The following TOP2B variants were observed in gnomAD, a reference collection of about 807,000 sequenced individuals.
The protein encoded by TOP2B is DNA topoisomerase II beta.
Under a neutral mutation model 193.5 loss-of-function variants are expected in TOP2B, and 51 were observed. The observed-to-expected ratio is 0.26, with a 90% confidence interval of 0.21 to 0.33. The LOEUF (loss-of-function observed/expected upper bound fraction) is 0.33, where lower values mean the gene tolerates loss of function less well. TOP2B is among the 10% of genes least tolerant of loss of function. The pLI, the probability that TOP2B is intolerant of heterozygous loss-of-function variation, is 1.00. For synonymous variants in TOP2B, 634 were observed against 635.7 expected (o/e 1.00, Z 0.04); for missense variants, 1,378 against 1,909.3 (o/e 0.72, Z 5.19).
intron 18 of TOP2B, among the ~76,000 whole-genome samples, chr3:25,626,058 T>C (rs1245786506): frequency 1.3e-5 from 2 of 151,332 alleles, no homozygotes; most frequent in Admixed American, 6.6e-5. Context: ...ATAAAGGTTA[T>C]GAGAAAAAAA....
rs1193824265 is a variant in TOP2B at position 25,655,468 on chromosome 3, T to C, written c.69+8761A>G. 2.6e-5 allele frequency among the ~76,000 whole-genome samples: 4 copies of C among 152,174 alleles called. No individual in the cohort carries two copies. The South Asian group carries it at 6.2e-4, about 24-fold the overall frequency. The stretch of plus-strand genomic sequence containing the variant: ...AATGCTACAGCCATTATGGAAATAG[T>C]GTGGAGGTTCCTCAAAAAATTAAAA... On this transcript the variant is annotated intron_variant, in intron 1 of 35. Transcript: ENST00000264331.
At chr3:25,612,820 T>G (rs1702410259) in intron 27 of TOP2B, 111 bp from the exon 28 acceptor site, 2 of 779,202 alleles carry the variant, frequency 2.6e-6, no homozygotes, top group Admixed American at 5.4e-5. Context: ...GAATAAAGCT[T>G]TCCTTTTAAC....
intron 10 of TOP2B, 93 bp from the exon 11 acceptor site, chr3:25,631,032 G>C (rs1702940159): frequency 8.8e-7 from 1 of 1,141,458 alleles, no homozygotes; most frequent in African/African-American, 1.6e-5. Context: ...TGGAATCTGT[G>C]CAATTTTAAG....
At chr3:25,622,639 A>ATTTT (rs576552400) in intron 21 of TOP2B, among the ~76,000 whole-genome samples, 1 of 133,776 alleles carries the variant, frequency 7.5e-6, no homozygotes, top group African/African-American at 2.7e-5. Flanking sequence ...AAAAATGGGG[A>ATTTT]TTTTTTTTTT....
At chr3:25,632,866 T>C in intron 8 of TOP2B, 72 bp from the exon 9 acceptor site, 2 of 1,234,518 alleles carry the variant, frequency 1.6e-6, no homozygotes, top group East Asian at 2.3e-5. Context: ...ATCTGTATTA[T>C]AAACCCTATT....
At chr3:25,663,063 T>C (rs757776043) in intron 1 of TOP2B, among the ~76,000 whole-genome samples, 8 of 152,194 alleles carry the variant, frequency 5.3e-5, no homozygotes, top group Non-Finnish European at 1.0e-4. Context: ...CGGAGTAATA[T>C]ACAACATTCA....
Position 25,627,201 on chromosome 3 carries a change from C to T in TOP2B, c.2002G>A (p.Ala668Thr). 6.3e-7 allele frequency: 1 copy of T among 1,599,568 alleles called. No individual in the cohort carries two copies. The highest frequency in any genetic ancestry group is 8.5e-7 in the Non-Finnish European group (1 of 1,175,044). The change falls in exon 16 of 36, where the codon GCT (alanine) becomes ACT (threonine). Residue 668 changes from alanine to threonine, a missense_variant. This residue lies in a region of TOP2B where 379 missense variants were observed against 615.1 expected (regional missense o/e 0.62). Transcript: ENST00000264331. ...AACTTAATTACCAAGGTAATGGCAG[C>T]ATCATCTTCAGGACCAGCATATCTA... ...LFRYAGPEDD[A>T]AITLAFSKKK...
At chr3:25,623,796 A>T in intron 20 of TOP2B, 50 bp from the exon 21 acceptor site, 1 of 1,223,042 alleles carries the variant, frequency 8.2e-7, no homozygotes, top group Non-Finnish European at 1.2e-6. Context: ...GCTTTGGGAA[A>T]GAAAACTTTA....
At chr3:25,646,708 A>G (rs1218076602) in intron 1 of TOP2B, among the ~76,000 whole-genome samples, 1 of 152,334 alleles carries the variant, frequency 6.6e-6, no homozygotes, top group African/African-American at 2.4e-5. Flanking sequence ...GATTTTGTGC[A>G]TTTAAACAAG....
At chr3:25,635,836 C>T in intron 7 of TOP2B, 100 bp downstream of exon 7, 1 of 900,686 alleles carries the variant, frequency 1.1e-6, no homozygotes, top group Non-Finnish European at 1.7e-6. Flanking sequence ...CTGAACACAC[C>T]AGTAAAAGAG....
chr3:25,632,490 T>C lies in TOP2B; in HGVS notation c.1222A>G (p.Ser408Gly). The change falls in exon 10 of 36, where the codon AGT becomes GGT. Residue 408 changes from serine to glycine, a missense_variant. Physicochemically the swap from Ser to Gly is moderately conservative, Grantham distance 56. Transcript: ENST00000264331. ...TKENMTLQPKSFGSKCQLSEK... is the reference protein window; with the variant it reads ...TKENMTLQPKGFGSKCQLSEK... ...GACAGCTGGCATTTAGACCCAAAACTTTTGGGCTGCAGAGTCATGTTTTCC... is the reference window on the plus strand; with the variant it reads ...GACAGCTGGCATTTAGACCCAAAACCTTTGGGCTGCAGAGTCATGTTTTCC... 1 of 1,583,358 alleles carries C rather than the reference T, an allele frequency of 6.3e-7. No homozygotes were observed. Among genetic ancestry groups the C allele is most frequent in the East Asian group, 2.3e-5 (1 of 44,304 alleles).
intron 1 of TOP2B, among the ~76,000 whole-genome samples, chr3:25,659,821 T>C (rs1295259109): frequency 6.6e-6 from 1 of 152,236 alleles, no homozygotes; most frequent in Admixed American, 6.5e-5. Context: ...TCTTTCAATG[T>C]TTTTAAAGTT....
intron 20 of TOP2B, 31 bp from the exon 21 acceptor site, chr3:25,623,777 A>T (rs1440917265): frequency 6.9e-7 from 1 of 1,451,778 alleles, no homozygotes; most frequent in African/African-American, 1.4e-5. Context: ...CAAATGAAAA[A>T]ATGTCATGGC....
chr3:25,608,549 G>A (rs567502307), intron 30 of TOP2B, among the ~76,000 whole-genome samples: 1 of 152,212 alleles, frequency 6.6e-6, no homozygotes, highest in South Asian at 2.1e-4. Context: ...GTACTTCCCA[G>A]AGGTAAACAC....
intron 31 of TOP2B, 40 bp downstream of exon 31, chr3:25,607,128 TACA>T (rs1702254266): frequency 6.3e-7 from 1 of 1,595,912 alleles, no homozygotes; most frequent in Non-Finnish European, 8.5e-7. Context: ...GGCAAATGTT[TACA>T]ACAATTAACT....
At chr3:25,620,348 C>A (rs1275723268) in intron 22 of TOP2B, among the ~76,000 whole-genome samples, 1 of 151,904 alleles carries the variant, frequency 6.6e-6, no homozygotes, top group Admixed American at 6.6e-5. Context: ...AGGTGACATG[C>A]ATACTTTTAG....
chr3:25,609,397 T>C, intron 29 of TOP2B, 53 bp from the exon 30 acceptor site: 1 of 1,485,902 alleles, frequency 6.7e-7, no homozygotes, highest in Non-Finnish European at 9.0e-7. Flanking sequence ...AGAAATGTCA[T>C]TAGTAAAAAT....
At position 25,606,193 on chromosome 3, in the gene TOP2B, T is replaced by C; in HGVS notation, c.4299-71A>G. On this transcript the variant is annotated intron_variant, in intron 31 of 35. Transcript: ENST00000264331. ...CTGATTTCAATCCTGATAAATTATA[T>C]ATAATATTTACTGCAGGATTATAAT... is the stretch of plus-strand genomic sequence containing the variant. 9 of 718,094 alleles carry C rather than the reference T, an allele frequency of 1.3e-5. No individual in the cohort carries two copies. In the South Asian group the frequency reaches 2.3e-4, roughly 19 times the overall value. 44.5% of individuals were successfully genotyped at this position (718,094 alleles called of 1,614,324 possible). A position where few individuals can be genotyped will look rare whatever the true frequency, so the allele number is the denominator to read the frequency against.
intron 21 of TOP2B, among the ~76,000 whole-genome samples, chr3:25,621,990 GAAA>G (rs972338183): frequency 7.5e-6 from 1 of 132,696 alleles, no homozygotes. Flanking sequence ...CTCTGTCTCA[GAAA>G]AAAAAAAAAA....
Sources: allele counts gnomAD v4.1 joint callset (sites outside exome capture counted in the v4.1 genomes callset), GRCh38; gene constraint gnomAD v4.1.1; regional missense constraint gnomAD v4.1.1; transcripts MANE v1.5; gene names NCBI Gene and HGNC (gene_info 2026-07-23, HGNC 2026-07-21).